Variants in CPN1 observed in about 807,000 individuals in gnomAD.
CPN1 encodes the protein carboxypeptidase N catalytic chain.
A neutral mutation model predicts 46.4 loss-of-function variants in CPN1; 37 were observed. The observed-to-expected ratio is 0.80, with a 90% CI of 0.61 to 1.05. CPN1 has a LOEUF of 1.05. Among genes scored for constraint, CPN1 ranks in the 50% least tolerant of loss-of-function variants. The pLI is 0.00. For missense variants in CPN1, 563 were observed against 602.6 expected, an observed-to-expected ratio of 0.93 and a Z score of 0.69; for synonymous variants, 224 against 235.4, an observed-to-expected ratio of 0.95 and a Z score of 0.44.
At chr10:100,072,028 A>G (rs59159445) in intron 2 of CPN1, among the ~76,000 whole-genome samples, 3,970 of 152,072 alleles carry the variant, frequency 0.026, 71 homozygotes, top group East Asian at 0.07. Flanking sequence ...GGTTGTTTTC[A>G]CCTTTTGGCT....
At position 100,065,326 on chromosome 10, in the gene CPN1, G is replaced by T. The variant is rs746171499; in HGVS notation, c.621C>A (p.Phe207Leu). Reference protein sequence around the residue: ...TRAVIRWMHSFNFVLSANLHG... With the variant: ...TRAVIRWMHSLNFVLSANLHG... ...GGAGATTGGCTGAAAGAACAAAGTT[G>T]AAGGAGTGCATCCACCGGATCACCG... Residue 207 changes from phenylalanine (F) to leucine (L), a missense_variant, in exon 4 of 9, where the codon TTC (phenylalanine) becomes TTA (leucine). Phe to Leu is a conservative substitution (Grantham distance 22, BLOSUM62 0). Coordinates refer to ENST00000370418, the MANE Select transcript of CPN1 (RefSeq NM_001308.3). The T allele has an allele frequency of 6.2e-7, 1 of 1,614,208 alleles. No homozygotes were observed. Among genetic ancestry groups the T allele is most frequent in the Non-Finnish European group, 8.5e-7 (1 of 1,180,034 alleles).
intron 7 of CPN1, among the ~76,000 whole-genome samples, chr10:100,051,847 C>T (rs139851496): frequency 2.0e-5 from 3 of 152,072 alleles, no homozygotes; most frequent in Non-Finnish European, 2.9e-5. Context: ...TGTTAATTAA[C>T]ACAATGGCTG....
chr10:100,067,563 C>T (rs549704138), intron 3 of CPN1, among the ~76,000 whole-genome samples: 2 of 152,204 alleles, frequency 1.3e-5, no homozygotes, highest in South Asian at 2.1e-4. Flanking sequence ...AATTAAAAGG[C>T]TTACACCTGC....
At chr10:100,066,782 G>A (rs750277301) in intron 3 of CPN1, among the ~76,000 whole-genome samples, 1 of 152,170 alleles carries the variant, frequency 6.6e-6, no homozygotes, top group African/African-American at 2.4e-5. Flanking sequence ...CAAGGGGACT[G>A]GATAAATAGG....
At chr10:100,043,004 G>A (rs1416556689) in intron 8 of CPN1, among the ~76,000 whole-genome samples, 1 of 149,636 alleles carries the variant, frequency 6.7e-6, no homozygotes, top group Non-Finnish European at 1.5e-5. Flanking sequence ...TGAGGCGGTA[G>A]AATTGCTTGA....
At chr10:100,068,854 A>G (rs921369986) in intron 3 of CPN1, among the ~76,000 whole-genome samples, 1 of 141,008 alleles carries the variant, frequency 7.1e-6, no homozygotes, top group African/African-American at 2.4e-5. Flanking sequence ...CTCTTTCTAT[A>G]GCTAATTGTT....
intron 6 of CPN1, 107 bp downstream of exon 6, chr10:100,056,906 G>A (rs569091443): frequency 1.9e-5 from 26 of 1,368,188 alleles, no homozygotes; most frequent in East Asian, 1.1e-4. Flanking sequence ...CAGATCTATT[G>A]GACTGAGTCA....
At position 100,057,578 on chromosome 10, in the gene CPN1, A is replaced by G. The variant is rs376156336; in HGVS notation, c.872-426T>C. On this transcript the variant is annotated intron_variant, in intron 5 of 8. Coordinates refer to ENST00000370418, the MANE Select transcript of CPN1 (RefSeq NM_001308.3). The stretch of plus-strand genomic sequence containing the variant: ...GTTGATGAGGTATTTGGAGGTTGGG[A>G]CCAGTAAGGGGGGAAATAGGATGAT... Among the ~76,000 whole-genome samples, 761 of 152,192 alleles carry G rather than the reference A, an allele frequency of 5.0e-3. 10 individuals carry two copies. Among genetic ancestry groups the G allele is most frequent in the African/African-American group, 0.018 (739 of 41,526 alleles).
rs770980058 is a variant in CPN1, at chr10:100,042,294, T to G, written c.*133A>C. The G allele has an allele frequency of 8.0e-7, 1 of 1,256,680 alleles. No individual in the cohort carries two copies. Among genetic ancestry groups the G allele is most frequent in the African/African-American group, 1.5e-5 (1 of 67,918 alleles). The allele number at this position is 1,256,680 out of a possible 1,614,324, so 77.8% of individuals were successfully genotyped here. A position where few individuals can be genotyped will look rare whatever the true frequency, so the allele number is the denominator to read the frequency against. ...AGAGATGGCTTACCCCTGGAACAGATGGAGACCATTCTGAATTGTTCTGAA... is the reference window on the plus strand; with the variant it reads ...AGAGATGGCTTACCCCTGGAACAGAGGGAGACCATTCTGAATTGTTCTGAA... On this transcript the variant is annotated 3_prime_UTR_variant, in exon 9 of 9. Coordinates refer to ENST00000370418, the MANE Select transcript of CPN1 (RefSeq NM_001308.3).
chr10:100,058,270 C>T (rs924578226), intron 5 of CPN1, among the ~76,000 whole-genome samples: 1 of 152,136 alleles, frequency 6.6e-6, no homozygotes, highest in Non-Finnish European at 1.5e-5. Flanking sequence ...ATGCACATGA[C>T]CTGTTTTTAA....
Position 100,076,030 on chromosome 10 carries a change from C to G in CPN1, c.301G>C (p.Glu101Gln). The G allele has an allele frequency of 1.2e-6, 2 of 1,614,188 alleles. No individual in the cohort carries two copies. The highest frequency in any genetic ancestry group is 1.7e-6 in the Non-Finnish European group (2 of 1,180,036). ...LGRELMLQLS[E>Q]FLCEEFRNRN... is the part of the protein sequence containing the mutation. The stretch of plus-strand genomic sequence containing the variant: ...TTCCGGAACTCCTCGCACAGAAACT[C>G]CGACAGCTGCAGCATCAGCTCGCGG... Residue 101 changes from glutamate to glutamine, a missense_variant, in exon 2 of 9, where the codon GAG becomes CAG. Coordinates refer to ENST00000370418, the MANE Select transcript of CPN1 (RefSeq NM_001308.3).
chr10:100,048,605 G>A (rs550916939), intron 8 of CPN1, among the ~76,000 whole-genome samples, 153 bp downstream of exon 8: 12 of 152,220 alleles, frequency 7.9e-5, no homozygotes, highest in Admixed American at 1.3e-4. Flanking sequence ...AGGCTTAGGC[G>A]GCAGGATTGC....
intron 1 of CPN1, among the ~76,000 whole-genome samples, chr10:100,080,085 C>CA (rs34214082): frequency 0.37 from 45,703 of 124,370 alleles, 7,425 homozygotes; most frequent in Admixed American, 0.41. Flanking sequence ...GACTCCATCT[C>CA]AAAAAAAAAA....
At chr10:100,048,624 A>G (rs367665649) in intron 8 of CPN1, 134 bp downstream of exon 8, 21 of 751,968 alleles carry the variant, frequency 2.8e-5, no homozygotes, top group African/African-American at 2.1e-4. Context: ...GCTTCGGCCC[A>G]GGAGATCGAG....
At chr10:100,076,805 G>A (rs186998127) in intron 1 of CPN1, among the ~76,000 whole-genome samples, 33 of 152,198 alleles carry the variant, frequency 2.2e-4, no homozygotes, top group African/African-American at 7.0e-4. Flanking sequence ...GACTGAGCTC[G>A]TTCTCCATTG....
At chr10:100,051,681 C>T (rs1233062659) in intron 7 of CPN1, among the ~76,000 whole-genome samples, 5 of 151,598 alleles carry the variant, frequency 3.3e-5, no homozygotes, top group Admixed American at 3.3e-4. Context: ...GTGCCTGCCA[C>T]CATGCCTGGC....
intron 3 of CPN1, 117 bp downstream of exon 3, chr10:100,069,597 G>A (rs1283111702): frequency 3.7e-5 from 45 of 1,217,280 alleles, no homozygotes; most frequent in Non-Finnish European, 5.2e-5. Context: ...TTAATACTGA[G>A]TTGAGTTGAT....
At position 100,056,997 on chromosome 10, in the gene CPN1, A is replaced by G. The variant is rs1184244271; in HGVS notation, c.1011+16T>C. 1 of 1,614,174 alleles carries G rather than the reference A, an allele frequency of 6.2e-7. No homozygotes were observed. Among genetic ancestry groups the G allele is most frequent in the South Asian group, 1.1e-5 (1 of 91,086 alleles). ...TCTCTTTTTGCAAACATGAGAGTTA[A>G]CAAATGAGATTTTACCTGTTCCAGG... On this transcript the variant is annotated intron_variant, in intron 6 of 8. Transcript: ENST00000370418.
chr10:100,065,374 G>A lies in CPN1; in HGVS notation c.577-4C>T. ...CCGCCCGGGTCTCGGGTTCCACCTG[G>A]GAGGAGGCGAGAGGTTGGCGGTGAA... is the stretch of plus-strand genomic sequence containing the variant. On this transcript the variant is annotated splice_polypyrimidine_tract_variant and splice_region_variant and intron_variant, in intron 3 of 8. Transcript: ENST00000370418. 1 of 1,614,118 alleles carries A rather than the reference G, an allele frequency of 6.2e-7. No individual in the cohort carries two copies. Among genetic ancestry groups the A allele is most frequent in the East Asian group, 2.2e-5 (1 of 44,878 alleles).
Sources: allele counts gnomAD v4.1 joint callset (sites outside exome capture counted in the v4.1 genomes callset), GRCh38; gene constraint gnomAD v4.1.1; transcripts MANE v1.5; gene names NCBI Gene and HGNC (gene_info 2026-07-23, HGNC 2026-07-21).